Variants in NECAB2 observed in about 807,000 individuals in gnomAD.
The protein encoded by NECAB2 is N-terminal EF-hand calcium-binding protein 2.
A neutral mutation model predicts 51.9 loss-of-function variants in NECAB2; 68 were observed. The ratio of observed to expected loss-of-function variants is 1.31; its 90% CI spans 1.08 to 1.60. The LOEUF (loss-of-function observed/expected upper bound fraction) is 1.60, where lower values mean the gene tolerates loss of function less well. NECAB2 is among the 40% of genes most tolerant of loss of function. The pLI is 0.00. For synonymous variants in NECAB2, 329 were observed against 203.5 expected, an observed-to-expected ratio of 1.62 and a Z score of -5.25; for missense variants, 854 against 490.3, an observed-to-expected ratio of 1.74 and a Z score of -7.00.
At chr16:83,999,194 G>A (rs2084771711) in intron 10 of NECAB2, among the ~76,000 whole-genome samples, 2 of 152,206 alleles carry the variant, frequency 1.3e-5, no homozygotes, top group Admixed American at 1.3e-4. Context: ...GGGAGGAGTA[G>A]CCTGGGCAGG....
intron 11 of NECAB2, among the ~76,000 whole-genome samples, chr16:84,001,363 T>C (rs929068595): frequency 2.6e-5 from 4 of 152,012 alleles, no homozygotes; most frequent in African/African-American, 9.7e-5. Context: ...CCCCATCTCC[T>C]GCTTCCCTGG....
chr16:83,972,196 G>A (rs2250691), intron 2 of NECAB2, 21 bp downstream of exon 2: 97,246 of 1,613,384 alleles, frequency 0.06, 5,104 homozygotes, highest in African/African-American at 0.25. Context: ...CTTCCAGGCC[G>A]ACGGCCGCCC....
chr16:83,998,590 A>T (rs1014717714), intron 10 of NECAB2, among the ~76,000 whole-genome samples: 1 of 152,172 alleles, frequency 6.6e-6, no homozygotes, highest in African/African-American at 2.4e-5. Flanking sequence ...TCATGAGTGC[A>T]TATACAATCA....
intron 5 of NECAB2, among the ~76,000 whole-genome samples, chr16:83,983,373 C>T (rs67898303): frequency 0.17 from 25,718 of 152,038 alleles, 3,401 homozygotes; most frequent in African/African-American, 0.38. Flanking sequence ...TCTAAAACGT[C>T]GTGGTGGGGC....
intron 2 of NECAB2, among the ~76,000 whole-genome samples, chr16:83,973,897 G>A (rs1597195845): frequency 6.6e-6 from 1 of 152,158 alleles, no homozygotes; most frequent in African/African-American, 2.4e-5. Context: ...TGCAGTTAGT[G>A]TGCGTGTGTG....
At position 84,001,899 on chromosome 16, in the gene NECAB2, C is replaced by T; in HGVS notation, c.1115C>T (p.Ser372Phe). ...VDTLSQPEAL[S>F]RILVPAAWCT... ...ACACTGAGCCAGCCTGAGGCCCTCT[C>T]CAGGATCTTGGTGCCAGGTAGGGGG... The change falls in exon 12 of 13, where the codon TCC becomes TTC. Residue 372 changes from serine to phenylalanine, a missense_variant. Transcript: ENST00000305202. The T allele has an allele frequency of 6.2e-7, 1 of 1,614,010 alleles. No individual in the cohort carries two copies. Among genetic ancestry groups the T allele is most frequent in the Non-Finnish European group, 8.5e-7 (1 of 1,179,914 alleles).
At chr16:83,978,383 C>T in intron 2 of NECAB2, 61 bp from the exon 3 acceptor site, 2 of 1,401,466 alleles carry the variant, frequency 1.4e-6, no homozygotes, top group Admixed American at 3.4e-5. Flanking sequence ...CGTGCATGCA[C>T]TAGCCCCACC....
At chr16:83,983,741 C>G (rs1273650659) in intron 5 of NECAB2, among the ~76,000 whole-genome samples, 2 of 152,136 alleles carry the variant, frequency 1.3e-5, no homozygotes, top group African/African-American at 4.8e-5. Flanking sequence ...AATTTTATCT[C>G]TGTCTCCATT....
intron 3 of NECAB2, among the ~76,000 whole-genome samples, chr16:83,979,776 C>A (rs1025547384): frequency 6.6e-6 from 1 of 151,932 alleles, no homozygotes; most frequent in Non-Finnish European, 1.5e-5. Flanking sequence ...GGAGGACTCG[C>A]GGTTATGGAA....
chr16:83,988,576 C>T (rs766250206), intron 5 of NECAB2, among the ~76,000 whole-genome samples: 10 of 152,090 alleles, frequency 6.6e-5, no homozygotes, highest in South Asian at 2.1e-4. Context: ...TTTGAGTGAT[C>T]GCTGTTAGTT....
intron 2 of NECAB2, among the ~76,000 whole-genome samples, chr16:83,974,411 G>A (rs541734527): frequency 6.6e-6 from 1 of 152,170 alleles, no homozygotes. Context: ...ATAAGTCCCC[G>A]CTGCTCTGCC....
intron 6 of NECAB2, chr16:83,993,457 G>A (rs942263737): frequency 1.3e-5 from 2 of 154,302 alleles, no homozygotes; most frequent in East Asian, 3.9e-4. Flanking sequence ...GACCAAGCGG[G>A]TGTTGGGGCC....
intron 10 of NECAB2, among the ~76,000 whole-genome samples, chr16:83,999,232 G>A (rs772342910): frequency 2.6e-5 from 4 of 151,812 alleles, no homozygotes; most frequent in Non-Finnish European, 4.4e-5. Context: ...GACTCGGCGT[G>A]GCCACGAGGG....
At position 83,988,184 on chromosome 16, in the gene NECAB2, C is replaced by T. The variant is rs573633980; in HGVS notation, c.460-2310C>T. On this transcript the variant is annotated intron_variant, in intron 5 of 12. Transcript: ENST00000305202. ...GACTTTGTCTTTATACAAGGGAATT[C>T]GGGCCACCTTTTTTATTATGATTGC... Among the ~76,000 whole-genome samples, 12 of 152,220 alleles carry T rather than the reference C, an allele frequency of 7.9e-5. No homozygotes were observed. The East Asian group carries it at 1.9e-3, about 24-fold the overall frequency.
chr16:84,000,172 G>A (rs111914748), intron 10 of NECAB2, among the ~76,000 whole-genome samples: 14 of 152,034 alleles, frequency 9.2e-5, no homozygotes, highest in Admixed American at 5.2e-4. Flanking sequence ...AAAGTTCTGC[G>A]ATTACAGGCG....
intron 8 of NECAB2, 136 bp from the exon 9 acceptor site, chr16:83,997,080 C>G (rs374092999): frequency 1.1e-6 from 1 of 871,472 alleles, no homozygotes; most frequent in African/African-American, 1.7e-5. Flanking sequence ...CACTTCCTAG[C>G]GTTGGTCTCC....
Position 83,994,639 on chromosome 16 carries a change from A to T in NECAB2, c.746A>T (p.Glu249Val), listed in dbSNP as rs774114189. 13 of 1,614,008 alleles carry T rather than the reference A, an allele frequency of 8.1e-6. No individual in the cohort carries two copies. Among genetic ancestry groups the T allele is most frequent in the Non-Finnish European group, 1.0e-5 (12 of 1,180,036 alleles). ...ATEDAKEEGL[E>V]AQISRLAELI... Reference sequence around the variant, plus strand: ...GAGGATGCAAAGGAAGAGGGTCTGGAAGCCCAGATCAGCCGCTTGGCAGAG... The same window carrying T: ...GAGGATGCAAAGGAAGAGGGTCTGGTAGCCCAGATCAGCCGCTTGGCAGAG... Residue 249 changes from glutamate (E) to valine (V), a missense_variant, in exon 8 of 13, where the codon GAA (glutamate) becomes GTA (valine). By Grantham distance (121) the Glu-to-Val change is moderately radical (BLOSUM62 -2). Transcript: ENST00000305202.
upstream of NECAB2, chr16:83,965,842 G>A (rs756894922): frequency 1.1e-5 from 17 of 1,612,948 alleles, no homozygotes; most frequent in African/African-American, 1.3e-5. Context: ...TGAGCGCCAA[G>A]AGGAACCCCA....
intron 6 of NECAB2, among the ~76,000 whole-genome samples, chr16:83,992,387 C>A (rs971341866): frequency 4.9e-5 from 7 of 144,184 alleles, no homozygotes; most frequent in Non-Finnish European, 8.9e-5. Flanking sequence ...TCCCCCCGCC[C>A]ACCTCCATTT....
Sources: allele counts gnomAD v4.1 joint callset (sites outside exome capture counted in the v4.1 genomes callset), GRCh38; gene constraint gnomAD v4.1.1; transcripts MANE v1.5; gene names NCBI Gene and HGNC (gene_info 2026-07-23, HGNC 2026-07-21).